ADRA1A: variants seen among roughly 807,000 people sequenced by gnomAD.
The protein encoded by ADRA1A is alpha-1A adrenergic receptor.
A neutral mutation model predicts 29.6 loss-of-function variants in ADRA1A; 31 were observed. The ratio of observed to expected loss-of-function variants is 1.05; its 90% CI spans 0.79 to 1.41. The LOEUF (loss-of-function observed/expected upper bound fraction) is 1.41, where lower values mean the gene tolerates loss of function less well. Ranked by LOEUF, ADRA1A falls within the 40% of genes most tolerant of loss-of-function variation. The pLI, the probability that ADRA1A is intolerant of heterozygous loss-of-function variation, is 0.00. For missense variants in ADRA1A, 619 were observed against 601.1 expected (o/e 1.03, Z -0.31); for synonymous variants, 311 against 254.3 (o/e 1.22, Z -2.12).
chr8:26,863,889 C>T (rs1282221726), intron 2 of ADRA1A, among the ~76,000 whole-genome samples, 198 bp downstream of exon 2: 3 of 152,134 alleles, frequency 2.0e-5, no homozygotes, highest in Non-Finnish European at 2.9e-5. Flanking sequence ...TGCTCTAGGA[C>T]CTAATATAAA....
intron 2 of ADRA1A, among the ~76,000 whole-genome samples, chr8:26,839,095 A>C (rs1247941078): frequency 6.6e-6 from 1 of 152,172 alleles, no homozygotes; most frequent in Non-Finnish European, 1.5e-5. Flanking sequence ...TGGACTATGC[A>C]TGCTAATTAT....
chr8:26,854,557 C>G (rs1288415931), intron 2 of ADRA1A: 1 of 152,038 alleles, frequency 6.6e-6, no homozygotes, highest in Non-Finnish European at 1.5e-5. Flanking sequence ...GTGGAAGGAA[C>G]CCACCAGGCT....
At chr8:26,829,539 G>A (rs762646128) in intron 2 of ADRA1A, among the ~76,000 whole-genome samples, 3 of 152,046 alleles carry the variant, frequency 2.0e-5, no homozygotes, top group Non-Finnish European at 2.9e-5. Flanking sequence ...AAAAAATATA[G>A]TTAGGAAAAA....
At chr8:26,771,635 T>C (rs2130285429) in intron 2 of ADRA1A, among the ~76,000 whole-genome samples, 1 of 152,356 alleles carries the variant, frequency 6.6e-6, no homozygotes, top group South Asian at 2.1e-4. Context: ...CTCCAATTAC[T>C]CAATTTACAA....
Position 26,825,438 on chromosome 8 carries a change from C to T in ADRA1A, c.883+38649G>A, listed in dbSNP as rs959891370. On this transcript the variant is annotated intron_variant, in intron 2 of 2. Transcript: ENST00000380573. This position sits in a 1 kb window ranked among gnomAD's most constrained non-coding sequence, Gnocchi z 5.7. ...GGAGTTTCTTTGTTTTCTAATTCCGCCCTACTTCGTTTCCTATAAGGGGAC... is the reference window on the plus strand; with the variant it reads ...GGAGTTTCTTTGTTTTCTAATTCCGTCCTACTTCGTTTCCTATAAGGGGAC... 1.3e-5 allele frequency among the ~76,000 whole-genome samples: 2 copies of T among 152,104 alleles called. No homozygotes were observed. Among genetic ancestry groups the T allele is most frequent in the African/African-American group, 4.8e-5 (2 of 41,398 alleles).
At chr8:26,849,265 C>A (rs1307957922) in intron 2 of ADRA1A, among the ~76,000 whole-genome samples, 1 of 152,184 alleles carries the variant, frequency 6.6e-6, no homozygotes, top group Non-Finnish European at 1.5e-5. Context: ...GCCCCAGGGG[C>A]TTGAGAGAGC....
intron 2 of ADRA1A, among the ~76,000 whole-genome samples, chr8:26,845,887 A>G (rs1812161452): frequency 6.6e-6 from 1 of 152,234 alleles, no homozygotes; most frequent in South Asian, 2.1e-4. Flanking sequence ...CAGCACATCC[A>G]TACAGATTGA....
At chr8:26,798,259 G>A (rs946884553) in intron 2 of ADRA1A, among the ~76,000 whole-genome samples, 1 of 152,198 alleles carries the variant, frequency 6.6e-6, no homozygotes, top group East Asian at 1.9e-4. Flanking sequence ...GATTACAAGT[G>A]TGAGCCACTG....
Position 26,864,283 on chromosome 8 carries a change from C to T in ADRA1A, c.687G>A (p.Ser229=), listed in dbSNP as rs1470172724. The change falls in exon 2 of 3, where the codon TCG becomes TCA. Residue 229 remains serine (S), a synonymous_variant. Transcript: ENST00000380573. This position sits in a 1 kb window ranked among gnomAD's most constrained non-coding sequence, Gnocchi z 8.1. ...GATGGATGCGGAGCGTCACTTGCTC[C>T]GAGTCCGACTTGTCGGTCTTGAGGC... ...KSGLKTDKSD[S]EQVTLRIHRK... is the part of the protein sequence containing the mutation. 1 of 1,614,136 alleles carries T rather than the reference C, an allele frequency of 6.2e-7. No individual in the cohort carries two copies. Among genetic ancestry groups the T allele is most frequent in the Non-Finnish European group, 8.5e-7 (1 of 1,180,030 alleles).
intron 2 of ADRA1A, among the ~76,000 whole-genome samples, chr8:26,814,202 AAC>A (rs376925581): frequency 9.9e-5 from 15 of 152,228 alleles, no homozygotes; most frequent in African/African-American, 3.6e-4. Flanking sequence ...GAAAAAAAAA[AAC>A]ATACTTCCTA....
intron 2 of ADRA1A, among the ~76,000 whole-genome samples, chr8:26,816,138 G>C (rs1372816204): frequency 3.9e-5 from 6 of 152,202 alleles, no homozygotes; most frequent in African/African-American, 1.2e-4. Context: ...AGCCCTACAG[G>C]ATAGATGTAA....
intron 2 of ADRA1A, chr8:26,853,840 T>C (rs984335724): frequency 1.3e-5 from 2 of 152,346 alleles, no homozygotes; most frequent in South Asian, 2.1e-4. Context: ...TATTTGACTA[T>C]ATAAATATTT....
Position 26,864,247 on chromosome 8 carries a change from G to T in ADRA1A, c.723C>A (p.Ala241=), listed in dbSNP as rs7833704. 908 of 1,614,178 alleles carry T rather than the reference G, an allele frequency of 5.6e-4. 3 individuals carry two copies. The African/African-American group carries it at 7.0e-3, about 12-fold the overall frequency. ...TGGCCATCCCGCTGCCTCCTGCCGG[G>T]GCGTTTTTCCGATGGATGCGGAGCG... ...QVTLRIHRKN[A]PAGGSGMASA... is the part of the protein sequence containing the mutation. Residue 241 remains alanine (A), a synonymous_variant, in exon 2 of 3, where the codon GCC becomes GCA. Coordinates refer to ENST00000380573, the MANE Select transcript of ADRA1A (RefSeq NM_000680.4). The surrounding 1 kb of genome is among the most constrained non-coding windows in gnomAD (Gnocchi z 8.1).
At chr8:26,752,861 C>A (rs997310855), downstream of ADRA1A, among the ~76,000 whole-genome samples, 13 of 152,170 alleles carry the variant, frequency 8.5e-5, no homozygotes, top group African/African-American at 3.1e-4. Flanking sequence ...TTCCTTAAAT[C>A]TTTAACTTCA....
chr8:26,778,191 C>G (rs1275986510), intron 2 of ADRA1A, among the ~76,000 whole-genome samples: 3 of 152,126 alleles, frequency 2.0e-5, no homozygotes, highest in Admixed American at 2.0e-4. Context: ...CAGGTCCACC[C>G]AAATGCATGA....
Position 26,770,485 on chromosome 8 carries a change from G to C in ADRA1A, c.1065C>G (p.Ala355=), listed in dbSNP as rs777439782. The C allele has an allele frequency of 1.9e-6, 3 of 1,614,198 alleles. No homozygotes were observed. The highest frequency in any genetic ancestry group is 2.2e-5 in the East Asian group (1 of 44,874). The part of the protein sequence containing the change: ...CLCRKQSSKH[A]LGYTLHPPSQ... ...TGGGCGGGTGCAGGGTGTAGCCCAG[G>C]GCATGTTTGGAAGACTGCTTTCTGC... is the stretch of plus-strand genomic sequence containing the variant. The change falls in exon 3 of 3, where the codon GCC becomes GCG. Residue 355 remains alanine, a synonymous_variant. Coordinates refer to ENST00000380573, the MANE Select transcript of ADRA1A (RefSeq NM_000680.4).
At chr8:26,826,835 C>T (rs956442147) in intron 2 of ADRA1A, among the ~76,000 whole-genome samples, 3 of 152,184 alleles carry the variant, frequency 2.0e-5, no homozygotes, top group Non-Finnish European at 4.4e-5. Flanking sequence ...GAGCTATCTG[C>T]CAACCAGAAA....
At chr8:26,852,568 C>T (rs1812718480) in intron 2 of ADRA1A, among the ~76,000 whole-genome samples, 1 of 152,064 alleles carries the variant, frequency 6.6e-6, no homozygotes, top group South Asian at 2.1e-4. Context: ...ATGCTAAAAA[C>T]TTGAACCTCA....
intron 2 of ADRA1A, among the ~76,000 whole-genome samples, chr8:26,856,885 G>A (rs919116322): frequency 6.6e-6 from 1 of 152,202 alleles, no homozygotes; most frequent in African/African-American, 2.4e-5. Context: ...ATTGCATGAA[G>A]CCTGGCATAT....
Sources: gnomAD v4.1 joint callset for allele counts (sites outside exome capture counted in the v4.1 genomes callset) on GRCh38, gnomAD v4.1.1 for gene constraint, Gnocchi (gnomAD v3.1) non-coding constraint, MANE v1.5 for transcripts, NCBI Gene and HGNC (gene_info 2026-07-23, HGNC 2026-07-21) for gene names.